Variants in KIF18A observed in about 807,000 individuals in gnomAD.
The protein encoded by KIF18A is kinesin family member 18A.
Under a neutral mutation model 103.3 loss-of-function variants are expected in KIF18A, and 67 were observed. The ratio of observed to expected loss-of-function variants is 0.65; its 90% CI spans 0.53 to 0.79. The LOEUF (loss-of-function observed/expected upper bound fraction) is 0.79. Among genes scored for constraint, KIF18A ranks in the 30% least tolerant of loss-of-function variants. The probability of loss-of-function intolerance (pLI) is 0.00; values close to 1 mark genes in which losing one functional copy is unlikely to be tolerated. For missense variants in KIF18A, 1,032 were observed against 1,062.5 expected, an observed-to-expected ratio of 0.97 and a Z score of 0.40; for synonymous variants, 367 against 355.5, an observed-to-expected ratio of 1.03 and a Z score of -0.36.
At chr11:28,024,540 A>G (rs1186965668) in intron 15 of KIF18A, among the ~76,000 whole-genome samples, 1 of 152,194 alleles carries the variant, frequency 6.6e-6, no homozygotes, top group South Asian at 2.1e-4. Context: ...TAGAATAGAC[A>G]TACAGTGGAG....
At chr11:28,032,518 A>C (rs551382793) in intron 15 of KIF18A, among the ~76,000 whole-genome samples, 2 of 152,086 alleles carry the variant, frequency 1.3e-5, no homozygotes, top group Non-Finnish European at 2.9e-5. Context: ...ATAAAACCAG[A>C]CACACAAACC....
At chr11:28,055,424 A>C (rs1850767478) in intron 13 of KIF18A, among the ~76,000 whole-genome samples, 1 of 152,202 alleles carries the variant, frequency 6.6e-6, no homozygotes, top group South Asian at 2.1e-4. Context: ...CTGCAATTTC[A>C]GCTAATTTCC....
At chr11:28,035,284 G>A (rs1314332149) in intron 15 of KIF18A, 103 bp downstream of exon 15, 3 of 478,568 alleles carry the variant, frequency 6.3e-6, no homozygotes, top group Admixed American at 8.1e-5. Flanking sequence ...GCTTAAACAT[G>A]AATTGAGAGT....
chr11:28,052,755 G>T (rs1210576883), intron 13 of KIF18A, among the ~76,000 whole-genome samples: 1 of 151,914 alleles, frequency 6.6e-6, no homozygotes, highest in Non-Finnish European at 1.5e-5. Context: ...TTCATACTTT[G>T]ATCCCTATCA....
At chr11:28,101,550 T>C (rs1851446734) in intron 1 of KIF18A, among the ~76,000 whole-genome samples, 1 of 152,160 alleles carries the variant, frequency 6.6e-6, no homozygotes, top group South Asian at 2.1e-4. Context: ...CTTAACCTCC[T>C]TGTGGCTCAG....
chr11:28,027,531 C>T (rs1850336731), intron 15 of KIF18A, among the ~76,000 whole-genome samples: 1 of 151,782 alleles, frequency 6.6e-6, no homozygotes, highest in African/African-American at 2.4e-5. Context: ...CCTTCTGAGA[C>T]ACAAAATACA....
intron 12 of KIF18A, among the ~76,000 whole-genome samples, chr11:28,060,953 T>C (rs752840480): frequency 6.6e-6 from 1 of 152,178 alleles, no homozygotes; most frequent in African/African-American, 2.4e-5. Context: ...AGGAAGACTC[T>C]TGAAACTCTG....
rs749267186 is a variant in KIF18A at position 28,021,282 on chromosome 11, T to A, written c.2615A>T (p.Glu872Val). ...KHLQENKPTMEHKRNICKINP... is the reference protein window; with the variant it reads ...KHLQENKPTMVHKRNICKINP... Reference sequence around the variant, plus strand: ...TATTTTACAGATGTTTCTTTTATGTTCTAGAGAAGAAATAAAAAGATGCAT... The same window carrying A: ...TATTTTACAGATGTTTCTTTTATGTACTAGAGAAGAAATAAAAAGATGCAT... The change falls in exon 17 of 17, where the codon GAA (glutamate) becomes GTA (valine). Residue 872 changes from glutamate to valine, a missense_variant and splice_region_variant. Glu to Val is a moderately radical substitution (Grantham distance 121). Coordinates refer to ENST00000263181, the MANE Select transcript of KIF18A (RefSeq NM_031217.4). 2.1e-6 allele frequency: 3 copies of A among 1,423,882 alleles called. No homozygotes were observed. Among genetic ancestry groups the A allele is most frequent in the Non-Finnish European group, 2.8e-6 (3 of 1,078,124 alleles). The allele number at this position is 1,423,882 out of a possible 1,614,324, so 88.2% of individuals were successfully genotyped here. A position where few individuals can be genotyped will look rare whatever the true frequency, so the allele number is the denominator to read the frequency against.
intron 1 of KIF18A, among the ~76,000 whole-genome samples, chr11:28,098,277 T>TA (rs1019244920): frequency 3.3e-5 from 5 of 152,216 alleles, no homozygotes; most frequent in Admixed American, 6.5e-5. Context: ...ATTAGTAGGA[T>TA]ATTTGGCTTA....
chr11:28,085,657 T>C (rs931584248), intron 6 of KIF18A, among the ~76,000 whole-genome samples: 7 of 152,134 alleles, frequency 4.6e-5, no homozygotes, highest in Admixed American at 4.6e-4. Flanking sequence ...CCCTGCCCCC[T>C]TGTCTTGTAT....
At chr11:28,075,135 A>C (rs917473439) in intron 10 of KIF18A, among the ~76,000 whole-genome samples, 2 of 152,122 alleles carry the variant, frequency 1.3e-5, no homozygotes, top group African/African-American at 4.8e-5. Context: ...TGCCTATTAG[A>C]TGCATGTATG....
At chr11:28,039,466 C>A (rs1850533089) in intron 13 of KIF18A, among the ~76,000 whole-genome samples, 1 of 151,610 alleles carries the variant, frequency 6.6e-6, no homozygotes, top group African/African-American at 2.4e-5. Context: ...TCTCAAGGGA[C>A]AAGAATTATA....
Position 28,021,262 on chromosome 11 carries a change from TAC to T in KIF18A, c.2633_2634del (p.Cys878Ter), listed in dbSNP as rs1323058086. 2 of 1,480,912 alleles carry T rather than the reference TAC, an allele frequency of 1.4e-6. No individual in the cohort carries two copies. The highest frequency in any genetic ancestry group is 1.4e-5 in the African/African-American group (1 of 69,574). 91.7% of individuals were successfully genotyped at this position (1,480,912 alleles called of 1,614,324 possible). Reference protein sequence around the residue: ...KPTMEHKRNICKINPSMVRKF... With the variant: ...KPTMEHKRNIXKINPSMVRKF... The stretch of plus-strand genomic sequence containing the variant: ...TTTCTAACCATGCTTGGATTTATTT[TAC>T]AGATGTTTCTTTTATGTTCTAGAGA... On this transcript the variant is annotated frameshift_variant, in exon 17 of 17. Transcript: ENST00000263181. LOFTEE classifies it high-confidence loss of function.
intron 13 of KIF18A, among the ~76,000 whole-genome samples, chr11:28,047,299 A>G (rs1412762173): frequency 6.6e-6 from 1 of 152,090 alleles, no homozygotes; most frequent in Non-Finnish European, 1.5e-5. Flanking sequence ...AAAAAGGAAT[A>G]AACTTACACA....
chr11:28,036,716 AT>A, intron 13 of KIF18A, 52 bp from the exon 14 acceptor site: 1 of 1,133,112 alleles, frequency 8.8e-7, no homozygotes, highest in Non-Finnish European at 1.2e-6. Flanking sequence ...AGTTTTTTAA[AT>A]AACCCCCATT....
chr11:28,048,912 C>G (rs1850674796), intron 13 of KIF18A, among the ~76,000 whole-genome samples: 1 of 152,002 alleles, frequency 6.6e-6, no homozygotes. Flanking sequence ...AGGCCAGAAA[C>G]AGAAATCATG....
chr11:28,023,839 T>C lies in KIF18A; in HGVS notation c.2516A>G (p.Asn839Ser). 6.2e-7 allele frequency: 1 copy of C among 1,606,866 alleles called. No individual in the cohort carries two copies. Among genetic ancestry groups the C allele is most frequent in the Non-Finnish European group, 8.5e-7 (1 of 1,174,710 alleles). Residue 839 changes from asparagine to serine, a missense_variant, in exon 16 of 17, where the codon AAC (asparagine) becomes AGC (serine). Coordinates refer to ENST00000263181, the MANE Select transcript of KIF18A (RefSeq NM_031217.4). ...ATTTACGTCTGCAGTTAACGAACTG[T>C]TTGATGTAGAACTTGAGAGGAAAAG... is the stretch of plus-strand genomic sequence containing the variant. ...RKRKLTSSTS[N>S]SSLTADVNSG...
At chr11:28,056,452 G>C (rs1403768469) in intron 13 of KIF18A, among the ~76,000 whole-genome samples, 2 of 151,936 alleles carry the variant, frequency 1.3e-5, no homozygotes, top group Admixed American at 1.3e-4. Context: ...AGAGTAAAGG[G>C]CATAGACAAT....
chr11:28,101,685 G>A (rs1851447870), intron 1 of KIF18A, among the ~76,000 whole-genome samples: 1 of 152,166 alleles, frequency 6.6e-6, no homozygotes, highest in South Asian at 2.1e-4. Flanking sequence ...TATTTACAGT[G>A]TAGTGAGGGA....
Sources: allele counts gnomAD v4.1 joint callset (sites outside exome capture counted in the v4.1 genomes callset), GRCh38; gene constraint gnomAD v4.1.1; transcripts MANE v1.5; gene names NCBI Gene and HGNC (gene_info 2026-07-23, HGNC 2026-07-21).